HAGH: variants seen among roughly 807,000 people sequenced by gnomAD.
HAGH encodes hydroxyacylglutathione hydrolase, mitochondrial.
HAGH carries 29 observed loss-of-function variants against 35.1 expected under a neutral mutation model. The observed-to-expected ratio is 0.83, with a 90% confidence interval of 0.62 to 1.13. The LOEUF is 1.13. Among genes scored for constraint, HAGH ranks in the 50% most tolerant of loss-of-function variants. The pLI is 0.00. For missense variants in HAGH, 478 were observed against 419.6 expected, an observed-to-expected ratio of 1.14 and a Z score of -1.22; for synonymous variants, 225 against 176.1, an observed-to-expected ratio of 1.28 and a Z score of -2.20.
intron 3 of HAGH, chr16:1,821,976 T>A: frequency 8.2e-5 from 18 of 220,438 alleles, no homozygotes; most frequent in East Asian, 1.5e-4. Context: ...TAAAAACCAC[T>A]CACCTGTAGA....
intron 3 of HAGH, 50 bp downstream of exon 3, chr16:1,822,250 G>C (rs1898185286): frequency 8.0e-7 from 1 of 1,246,300 alleles, no homozygotes; most frequent in African/African-American, 1.5e-5. Flanking sequence ...AACCCACCGG[G>C]GCGAGAAGTG....
At chr16:1,821,341 A>G (rs180787806) in intron 3 of HAGH, among the ~76,000 whole-genome samples, 15 of 152,278 alleles carry the variant, frequency 9.9e-5, no homozygotes, top group African/African-American at 3.6e-4. Context: ...TCCCACCACC[A>G]AGGAGAGGAC....
chr16:1,822,925 G>C lies in HAGH; in HGVS notation c.189C>G (p.Tyr63Ter). ...VLPALTDNYMYLVIDDETKEA... is the reference protein window; with the variant it reads ...VLPALTDNYM ...CCTTGGTCTCATCATCAATGACCAG[G>C]TACATGTAGTTGTCGGTCAGGGCAG... The change falls in exon 2 of 9, where the codon TAC (tyrosine) becomes TAG (stop). Residue 63 changes from tyrosine to a stop codon, truncating the protein, a stop_gained. Transcript: ENST00000397356. LOFTEE classifies it high-confidence loss of function. 6.2e-7 allele frequency: 1 copy of C among 1,613,792 alleles called. No individual in the cohort carries two copies. The highest frequency in any genetic ancestry group is 1.7e-5 in the Admixed American group (1 of 60,018).
chr16:1,809,730 C>A, intron 8 of HAGH, 24 bp downstream of exon 8: 1 of 1,563,498 alleles, frequency 6.4e-7, no homozygotes, highest in Non-Finnish European at 8.8e-7. Context: ...GGGGCCCGCG[C>A]CCACCACCTG....
At position 1,818,999 on chromosome 16, in the gene HAGH, GC is replaced by G. The variant is rs1391359057; in HGVS notation, c.541+115del. The stretch of plus-strand genomic sequence containing the variant: ...GAGGCTCCCCAGCACCCACCCCTGG[GC>G]CCCCTCACACCGGTGCAACAGAGAA... On this transcript the variant is annotated intron_variant, in intron 5 of 8. Coordinates refer to ENST00000397356, the MANE Select transcript of HAGH (RefSeq NM_005326.6). The G allele has an allele frequency of 8.9e-6, 6 of 672,704 alleles. No homozygotes were observed. In the African/African-American group the frequency reaches 8.9e-5, roughly 10 times the overall value. The allele number at this position is 672,704 out of a possible 1,614,324, so 41.7% of individuals were successfully genotyped here.
intron 7 of HAGH, among the ~76,000 whole-genome samples, chr16:1,816,506 C>T (rs1309744278): frequency 1.3e-5 from 2 of 152,174 alleles, no homozygotes; most frequent in Non-Finnish European, 2.9e-5. Flanking sequence ...CAGACTTTGG[C>T]CCAGCTGGCC....
At chr16:1,813,368 G>A (rs1897751063) in intron 7 of HAGH, among the ~76,000 whole-genome samples, 1 of 152,214 alleles carries the variant, frequency 6.6e-6, no homozygotes, top group East Asian at 1.9e-4. Context: ...GCATAACCAT[G>A]AGCCACATAA....
chr16:1,826,809 C>G lies in HAGH; in HGVS notation c.-22G>C. The G allele has an allele frequency of 8.2e-7, 1 of 1,217,480 alleles. No individual in the cohort carries two copies. The highest frequency in any genetic ancestry group is 1.0e-6 in the Non-Finnish European group (1 of 974,514). 75.4% of individuals were successfully genotyped at this position (1,217,480 alleles called of 1,614,324 possible). A position where few individuals can be genotyped will look rare whatever the true frequency, so the allele number is the denominator to read the frequency against. On this transcript the variant is annotated 5_prime_UTR_variant, in exon 1 of 9. Coordinates refer to ENST00000397356, the MANE Select transcript of HAGH (RefSeq NM_005326.6). ...CCATGACCCGGGCCGGGCTGGACTG[C>G]CGAGCTGCCCAGGACTGCAAAACAC...
intron 4 of HAGH, 47 bp downstream of exon 4, chr16:1,819,848 ACG>A: frequency 8.7e-7 from 1 of 1,153,770 alleles, no homozygotes; most frequent in Non-Finnish European, 1.3e-6. Context: ...CCCCTCCCCC[ACG>A]CTCCTGACAG....
chr16:1,819,814 G>C, intron 4 of HAGH, 83 bp downstream of exon 4: 1 of 842,246 alleles, frequency 1.2e-6, no homozygotes, highest in Middle Eastern at 3.1e-4. Context: ...GGGTAAGGGA[G>C]CAGAGAGAAT....
At chr16:1,822,144 C>A in intron 3 of HAGH, 156 bp downstream of exon 3, 1 of 624,914 alleles carries the variant, frequency 1.6e-6, no homozygotes. Flanking sequence ...CCCTTGGGGG[C>A]TACGGTGAGT....
chr16:1,820,886 C>G (rs1040302306), intron 3 of HAGH, among the ~76,000 whole-genome samples: 2 of 152,218 alleles, frequency 1.3e-5, no homozygotes, highest in Non-Finnish European at 2.9e-5. Context: ...AAACCCCACC[C>G]CGCTGAAGCT....
In HAGH at chr16:1,809,178, T is replaced by G; in HGVS notation, c.*105A>C. On this transcript the variant is annotated 3_prime_UTR_variant, in exon 9 of 9. Coordinates refer to ENST00000397356, the MANE Select transcript of HAGH (RefSeq NM_005326.6). Reference sequence around the variant, plus strand: ...GTCCGATAACACAAGCCAAGGGCTGTAAAATTAAGGTTAAATCAAGACTGA... The same window carrying G: ...GTCCGATAACACAAGCCAAGGGCTGGAAAATTAAGGTTAAATCAAGACTGA... 1 of 755,972 alleles carries G rather than the reference T, an allele frequency of 1.3e-6. No individual in the cohort carries two copies. The highest frequency in any genetic ancestry group is 2.3e-6 in the Non-Finnish European group (1 of 443,508). 46.8% of individuals were successfully genotyped at this position (755,972 alleles called of 1,614,324 possible). A position where few individuals can be genotyped will look rare whatever the true frequency, so the allele number is the denominator to read the frequency against.
intron 8 of HAGH, 49 bp from the exon 9 acceptor site, chr16:1,809,431 G>C (rs1628812): frequency 0.76 from 1,127,546 of 1,484,908 alleles, 428,493 homozygotes; most frequent in Middle Eastern, 0.8. Flanking sequence ...CACGCCCACC[G>C]GAGGAGCCAG....
intron 1 of HAGH, among the ~76,000 whole-genome samples, chr16:1,824,219 C>CA (rs1167533010): frequency 0.12 from 17,151 of 139,638 alleles, 1,045 homozygotes; most frequent in South Asian, 0.14. Context: ...GAGACAGTCT[C>CA]AAAAAAAAAA....
chr16:1,825,523 A>G (rs1462662146), intron 1 of HAGH, among the ~76,000 whole-genome samples: 1 of 152,150 alleles, frequency 6.6e-6, no homozygotes, highest in Non-Finnish European at 1.5e-5. Flanking sequence ...CAGGTCAAGG[A>G]CCTGCAGCCT....
Position 1,822,060 on chromosome 16 carries a change from T to C in HAGH, c.314+240A>G. 4 of 500,350 alleles carry C rather than the reference T, an allele frequency of 8.0e-6. No individual in the cohort carries two copies. The South Asian group carries it at 1.1e-4, about 14-fold the overall frequency. 31.0% of individuals were successfully genotyped at this position (500,350 alleles called of 1,614,324 possible). On this transcript the variant is annotated intron_variant, in intron 3 of 8. Transcript: ENST00000397356. ...CATGGCCCAGGAGAGAGCCGGGGGGTGGGGCCTGAGGGTAAGGCTGTAACC... is the reference window on the plus strand; with the variant it reads ...CATGGCCCAGGAGAGAGCCGGGGGGCGGGGCCTGAGGGTAAGGCTGTAACC...
At chr16:1,812,504 C>CAAAAAAAAAAAAAAA (rs749369966) in intron 7 of HAGH, 1 of 26,866 alleles carries the variant, frequency 3.7e-5, no homozygotes, top group Non-Finnish European at 7.8e-5. Context: ...AACGCTGTCT[C>CAAAAAAAAAAAAAAA]AAAAAAAAAA....
At chr16:1,827,120 G>A, upstream of HAGH, 2 of 1,419,584 alleles carry the variant, frequency 1.4e-6, no homozygotes, top group East Asian at 2.4e-5. Flanking sequence ...AGATCGCGAG[G>A]TGGAACGGGC....
Sources: gnomAD v4.1 joint callset for allele counts (sites outside exome capture counted in the v4.1 genomes callset) on GRCh38, gnomAD v4.1.1 for gene constraint, MANE v1.5 for transcripts, NCBI Gene and HGNC (gene_info 2026-07-23, HGNC 2026-07-21) for gene names.